The following PCDH15 variants were observed in gnomAD, a reference collection of about 807,000 sequenced individuals.
PCDH15 encodes the protein protocadherin related 15.
In PCDH15, 129 loss-of-function variants were observed where a neutral mutation model predicts 178.5. That is an observed-to-expected ratio of 0.72 (90% CI 0.63 to 0.84). The LOEUF (loss-of-function observed/expected upper bound fraction) is 0.84, where lower values mean the gene tolerates loss of function less well. Ranked by LOEUF, PCDH15 falls within the 40% of genes least tolerant of loss-of-function variation. PCDH15 has a pLI of 0.00. For synonymous variants in PCDH15, 800 were observed against 732.0 expected, an observed-to-expected ratio of 1.09 and a Z score of -1.50; for missense variants, 2,230 against 2,099.9, an observed-to-expected ratio of 1.06 and a Z score of -1.21.
intron 2 of PCDH15, among the ~76,000 whole-genome samples, chr10:54,597,684 A>T (rs997897384): frequency 1.3e-5 from 2 of 152,102 alleles, no homozygotes; most frequent in African/African-American, 4.8e-5. Context: ...CAAAAGATCA[A>T]CGAAGCCAGG....
At chr10:55,281,673 T>C (rs1056400671) in intron 1 of PCDH15, among the ~76,000 whole-genome samples, 2 of 152,116 alleles carry the variant, frequency 1.3e-5, no homozygotes, top group Non-Finnish European at 2.9e-5. Context: ...CCAATCATCA[T>C]CTCCGTGGAT....
intron 1 of PCDH15, among the ~76,000 whole-genome samples, chr10:54,760,304 A>G (rs183391618): frequency 1.3e-4 from 20 of 152,066 alleles, no homozygotes; most frequent in Admixed American, 1.1e-3. Flanking sequence ...TTGAAGTTCT[A>G]TTCACCATTA....
intron 1 of PCDH15, among the ~76,000 whole-genome samples, chr10:55,264,303 C>A (rs1210518385): frequency 1.3e-5 from 2 of 152,068 alleles, no homozygotes; most frequent in African/African-American, 4.8e-5. Context: ...TGGGCAAGAC[C>A]AATTCTTGCC....
At chr10:55,288,855 A>C (rs1317942004) in intron 1 of PCDH15, among the ~76,000 whole-genome samples, 1 of 151,392 alleles carries the variant, frequency 6.6e-6, no homozygotes, top group African/African-American at 2.4e-5. Flanking sequence ...CCAGCTTATG[A>C]CTTCAATTCT....
intron 2 of PCDH15, among the ~76,000 whole-genome samples, chr10:55,418,554 T>C (rs938756246): frequency 2.0e-5 from 3 of 151,750 alleles, no homozygotes; most frequent in Non-Finnish European, 2.9e-5. Context: ...ACTGGTGCTA[T>C]TGCAAGCAGC....
At chr10:54,518,821 T>C (rs1365829416) in intron 3 of PCDH15, among the ~76,000 whole-genome samples, 3 of 152,170 alleles carry the variant, frequency 2.0e-5, no homozygotes, top group Non-Finnish European at 4.4e-5. Flanking sequence ...AATAAAATAC[T>C]GGCAAACCAA....
At chr10:53,968,176 C>A (rs1179511382) in intron 21 of PCDH15, among the ~76,000 whole-genome samples, 1 of 152,178 alleles carries the variant, frequency 6.6e-6, no homozygotes, top group African/African-American at 2.4e-5. Context: ...TTCCAACAGT[C>A]TTAGCAAACG....
chr10:54,321,934 G>A (rs1215056298), intron 7 of PCDH15, among the ~76,000 whole-genome samples: 1 of 151,864 alleles, frequency 6.6e-6, no homozygotes, highest in Non-Finnish European at 1.5e-5. Flanking sequence ...TATCACATAG[G>A]AAAATATATA....
chr10:55,009,250 A>ATGTG (rs5785109), intron 2 of PCDH15, among the ~76,000 whole-genome samples: 64,792 of 149,282 alleles, frequency 0.43, 15,243 homozygotes, highest in East Asian at 0.67. Flanking sequence ...GCACGCACAG[A>ATGTG]TGTGTGTGTG....
At chr10:54,147,761 C>A (rs1590788754) in intron 14 of PCDH15, among the ~76,000 whole-genome samples, 1 of 151,906 alleles carries the variant, frequency 6.6e-6, no homozygotes, top group South Asian at 2.1e-4. Flanking sequence ...TGACTTTGTT[C>A]TTATAAATAG....
At chr10:55,440,834 T>C (rs11004862) in intron 2 of PCDH15, among the ~76,000 whole-genome samples, 47,146 of 151,974 alleles carry the variant, frequency 0.31, 7,536 homozygotes, top group African/African-American at 0.37. Flanking sequence ...CTCACAGCCA[T>C]GGCGGAAGAC....
At chr10:54,805,934 T>C (rs1564525024), upstream of PCDH15, among the ~76,000 whole-genome samples, 1 of 152,210 alleles carries the variant, frequency 6.6e-6, no homozygotes, top group Non-Finnish European at 1.5e-5. Flanking sequence ...GCATTTCTGT[T>C]GGGCTTTCAA....
At chr10:55,304,464 G>T (rs538474809) in intron 1 of PCDH15, among the ~76,000 whole-genome samples, 1 of 151,934 alleles carries the variant, frequency 6.6e-6, no homozygotes, top group African/African-American at 2.4e-5. Context: ...TATGTTTTAC[G>T]TATATAAATG....
chr10:55,029,083 G>GT (rs889505787), intron 2 of PCDH15, among the ~76,000 whole-genome samples: 36 of 151,994 alleles, frequency 2.4e-4, no homozygotes, highest in African/African-American at 8.4e-4. Context: ...GTAACTTGCT[G>GT]TAAGTTGCCC....
chr10:53,904,041 G>A (rs1430954209), intron 25 of PCDH15, among the ~76,000 whole-genome samples: 1 of 152,048 alleles, frequency 6.6e-6, no homozygotes, highest in African/African-American at 2.4e-5. Flanking sequence ...TAAATGATAT[G>A]TCATCATCAA....
At chr10:55,021,123 T>C (rs2131954597) in intron 2 of PCDH15, among the ~76,000 whole-genome samples, 1 of 152,350 alleles carries the variant, frequency 6.6e-6, no homozygotes, top group Non-Finnish European at 1.5e-5. Flanking sequence ...ATAAACTTCC[T>C]GAAATGATTG....
chr10:55,283,566 T>A (rs1210971756), intron 1 of PCDH15, among the ~76,000 whole-genome samples: 1 of 151,730 alleles, frequency 6.6e-6, no homozygotes, highest in African/African-American at 2.4e-5. Context: ...TCCTTACTAC[T>A]TTTCTTATTA....
intron 2 of PCDH15, among the ~76,000 whole-genome samples, chr10:54,903,334 C>T (rs1174424986): frequency 6.6e-6 from 1 of 152,088 alleles, no homozygotes; most frequent in Non-Finnish European, 1.5e-5. Flanking sequence ...AAGCATTACT[C>T]ATTACCTTTA....
intron 3 of PCDH15, among the ~76,000 whole-genome samples, chr10:54,858,416 A>G (rs982243273): frequency 4.6e-5 from 7 of 152,164 alleles, no homozygotes; most frequent in Non-Finnish European, 1.5e-5. Flanking sequence ...ACTATTTTAA[A>G]TCCATTATCT....
Sources: allele counts gnomAD v4.1 joint callset (sites outside exome capture counted in the v4.1 genomes callset), GRCh38; gene constraint gnomAD v4.1.1; transcripts MANE v1.5; gene names NCBI Gene and HGNC (gene_info 2026-07-23, HGNC 2026-07-21).